Variants in DNM1L observed in about 807,000 individuals in gnomAD.
DNM1L encodes dynamin 1L.
A neutral mutation model predicts 92.8 loss-of-function variants in DNM1L; 33 were observed. That is an observed-to-expected ratio of 0.36 (90% CI 0.27 to 0.48). The LOEUF (loss-of-function observed/expected upper bound fraction) is 0.48, where lower values mean the gene tolerates loss of function less well. Among genes scored for constraint, DNM1L ranks in the 20% least tolerant of loss-of-function variants. The probability of loss-of-function intolerance (pLI) is 0.99; values close to 1 mark genes in which losing one functional copy is unlikely to be tolerated. For missense variants in DNM1L, 485 were observed against 888.8 expected (o/e 0.55, Z 5.78); for synonymous variants, 284 against 305.0 (o/e 0.93, Z 0.72).
intron 13 of DNM1L, chr12:32,736,785 A>G: frequency 2.9e-6 from 1 of 345,494 alleles, no homozygotes; most frequent in South Asian, 3.1e-5. Flanking sequence ...AGGACAGTTT[A>G]CATCACTGTT....
Position 32,701,548 on chromosome 12 carries a change from CAGG to C in DNM1L, c.239_241del (p.Gly80del). On this transcript the variant is annotated inframe_deletion, in exon 2 of 20. Transcript: ENST00000549701. ...TCACAAGAAGATAAACGGAAAACAA[CAGG>C]AGAAGAAAATGGTAAATTTCAGATT... 6.2e-7 allele frequency: 1 copy of C among 1,613,538 alleles called. No homozygotes were observed.
chr12:32,742,738 A>G lies in DNM1L; in HGVS notation c.2144A>G (p.Asp715Gly). 6.2e-7 allele frequency: 1 copy of G among 1,614,098 alleles called. No homozygotes were observed. The highest frequency in any genetic ancestry group is 1.7e-5 in the Admixed American group (1 of 60,012). Residue 715 changes from aspartate (D) to glycine (G), a missense_variant, in exon 19 of 20, where the codon GAT (aspartate) becomes GGT (glycine). By Grantham distance (94) the Asp-to-Gly change is moderately conservative. This residue lies in a region of DNM1L where 133 missense variants were observed against 210.9 expected (regional missense o/e 0.63). Coordinates refer to ENST00000549701, the MANE Select transcript of DNM1L (RefSeq NM_012062.5). ...GCACAGCGCAGGAAAGAAGCAGCTGATATGCTAAAGGTATTGTGGACCTTT... is the reference window on the plus strand; with the variant it reads ...GCACAGCGCAGGAAAGAAGCAGCTGGTATGCTAAAGGTATTGTGGACCTTT... ...DMAQRRKEAADMLKALQGASQ... is the reference protein window; with the variant it reads ...DMAQRRKEAAGMLKALQGASQ...
Position 32,744,715 on chromosome 12 carries a change from A to G in DNM1L, c.*1305A>G, listed in dbSNP as rs1252780447. The G allele has an allele frequency of 3.0e-6, 1 of 336,772 alleles. No homozygotes were observed. Among genetic ancestry groups the G allele is most frequent in the Non-Finnish European group, 5.7e-6 (1 of 175,520 alleles). The allele number at this position is 336,772 out of a possible 1,614,324, so 20.9% of individuals were successfully genotyped here. On this transcript the variant is annotated 3_prime_UTR_variant, in exon 20 of 20. Coordinates refer to ENST00000549701, the MANE Select transcript of DNM1L (RefSeq NM_012062.5). Reference sequence around the variant, plus strand: ...GCAACAAGAGCGAAACTCCGTCTCAAAAAAAAAAAATAAAACAACACCCAG... The same window carrying G: ...GCAACAAGAGCGAAACTCCGTCTCAGAAAAAAAAAATAAAACAACACCCAG...
intron 6 of DNM1L, among the ~76,000 whole-genome samples, chr12:32,717,887 ATATATAC>A: frequency 9.2e-6 from 1 of 108,712 alleles, no homozygotes; most frequent in African/African-American, 3.8e-5. Flanking sequence ...ATATATATTT[ATATATAC>A]TATATATAGT....
intron 9 of DNM1L, chr12:32,726,253 G>C (rs1954133408): frequency 9.4e-6 from 7 of 742,906 alleles, no homozygotes; most frequent in Admixed American, 4.6e-5. Flanking sequence ...TAAAATATCA[G>C]TTTCCTGTCC....
At chr12:32,687,834 A>G (rs1952083212) in intron 1 of DNM1L, among the ~76,000 whole-genome samples, 1 of 152,176 alleles carries the variant, frequency 6.6e-6, no homozygotes, top group African/African-American at 2.4e-5. Context: ...TATATTTAAA[A>G]TTTGAGAAGT....
chr12:32,695,184 C>T (rs143373866), intron 1 of DNM1L, among the ~76,000 whole-genome samples: 2 of 152,198 alleles, frequency 1.3e-5, no homozygotes, highest in African/African-American at 4.8e-5. Flanking sequence ...ATGAAAACAA[C>T]AAGAGGGATT....
intron 2 of DNM1L, among the ~76,000 whole-genome samples, chr12:32,704,659 A>G (rs1265137617): frequency 6.6e-6 from 1 of 152,184 alleles, no homozygotes; most frequent in Admixed American, 6.5e-5. Flanking sequence ...TTGTAAAAGC[A>G]ATCAGTTGCC....
At chr12:32,727,139 A>C in intron 9 of DNM1L, 1 of 766,542 alleles carries the variant, frequency 1.3e-6, no homozygotes, top group Non-Finnish European at 2.4e-6. Flanking sequence ...CTGAAATCTC[A>C]TCTTCTTCAT....
chr12:32,682,527 T>C (rs1951850304), intron 1 of DNM1L, among the ~76,000 whole-genome samples: 1 of 152,184 alleles, frequency 6.6e-6, no homozygotes, highest in Non-Finnish European at 1.5e-5. Context: ...GTGATTCTGA[T>C]ACAGATGGTT....
At chr12:32,717,797 T>C (rs1174968695) in intron 6 of DNM1L, among the ~76,000 whole-genome samples, 2 of 116,402 alleles carry the variant, frequency 1.7e-5, no homozygotes, top group African/African-American at 6.8e-5. Flanking sequence ...TATATATTTG[T>C]AACTGAAATA....
At chr12:32,733,142 G>A (rs1036231009) in intron 12 of DNM1L, among the ~76,000 whole-genome samples, 2 of 151,928 alleles carry the variant, frequency 1.3e-5, no homozygotes, top group Non-Finnish European at 2.9e-5. Flanking sequence ...TTCTGTAGAG[G>A]GCTGGATAAA....
At position 32,731,518 on chromosome 12, in the gene DNM1L, G is replaced by A. The variant is rs754430043; in HGVS notation, c.1356+7G>A. ...TAGCAATTACAGTACACAGGTAACG[G>A]AGAGAAATGTAACAGGTTTCACATG... On this transcript the variant is annotated splice_region_variant and intron_variant, in intron 11 of 19. Transcript: ENST00000549701. The surrounding 1 kb of genome is among the most constrained non-coding windows in gnomAD (Gnocchi z 5.1). 5 of 1,613,922 alleles carry A rather than the reference G, an allele frequency of 3.1e-6. No homozygotes were observed. In the South Asian group the frequency reaches 5.5e-5, roughly 18 times the overall value.
intron 6 of DNM1L, among the ~76,000 whole-genome samples, chr12:32,717,348 T>TAA (rs1555120679): frequency 9.2e-5 from 6 of 64,874 alleles, no homozygotes; most frequent in African/African-American, 3.1e-4. Flanking sequence ...ATACTATATA[T>TAA]TATATATAGT....
chr12:32,705,945 A>T, intron 2 of DNM1L: 5 of 1,259,076 alleles, frequency 4.0e-6, no homozygotes, highest in Non-Finnish European at 5.4e-6. Flanking sequence ...GGCTGTGTGT[A>T]TTTTTTTTTC....
intron 19 of DNM1L, among the ~76,000 whole-genome samples, chr12:32,743,118 A>G (rs1955431222): frequency 6.6e-6 from 1 of 151,666 alleles, no homozygotes; most frequent in Non-Finnish European, 1.5e-5. Flanking sequence ...GATAGTCTCT[A>G]ACTCCTGACC....
intron 6 of DNM1L, among the ~76,000 whole-genome samples, chr12:32,717,285 C>T (rs1210908907): frequency 4.6e-5 from 4 of 87,342 alleles, no homozygotes; most frequent in African/African-American, 1.5e-4. Context: ...ATTATATATA[C>T]ACTATATATT....
chr12:32,733,505 T>C (rs550154893), intron 12 of DNM1L: 2 of 543,822 alleles, frequency 3.7e-6, no homozygotes, highest in South Asian at 4.7e-5. Context: ...AATGCAGTTT[T>C]AGATGCTGAA....
intron 8 of DNM1L, among the ~76,000 whole-genome samples, 174 bp downstream of exon 8, chr12:32,720,969 C>T (rs1953776028): frequency 6.6e-6 from 1 of 152,140 alleles, no homozygotes; most frequent in South Asian, 2.1e-4. Flanking sequence ...GGGTGGTTGA[C>T]ATTACATCAT....
Sources: gnomAD v4.1 joint callset for allele counts (sites outside exome capture counted in the v4.1 genomes callset) on GRCh38, gnomAD v4.1.1 for gene constraint, gnomAD v4.1.1 regional missense constraint, Gnocchi (gnomAD v3.1) non-coding constraint, MANE v1.5 for transcripts, NCBI Gene and HGNC (gene_info 2026-07-23, HGNC 2026-07-21) for gene names.